Variants in CHCHD6 observed in about 807,000 individuals in gnomAD.
The protein encoded by CHCHD6 is MICOS complex subunit MIC25.
In CHCHD6, 28 loss-of-function variants were observed where a neutral mutation model predicts 32.3. That is an observed-to-expected ratio of 0.87 (90% CI 0.64 to 1.19). CHCHD6 has a LOEUF of 1.19. Among genes scored for constraint, CHCHD6 ranks in the 50% most tolerant of loss-of-function variants. CHCHD6 has a pLI of 0.00. For missense variants in CHCHD6, 333 were observed against 307.0 expected, an observed-to-expected ratio of 1.08 and a Z score of -0.63; for synonymous variants, 122 against 117.5, an observed-to-expected ratio of 1.04 and a Z score of -0.25.
chr3:126,952,901 G>A, intron 6 of CHCHD6: 1 of 911,936 alleles, frequency 1.1e-6, no homozygotes, highest in Non-Finnish European at 1.3e-6. Flanking sequence ...GACCTATGCG[G>A]CCTGCTTGCC....
intron 4 of CHCHD6, among the ~76,000 whole-genome samples, chr3:126,785,455 T>C (rs1938150915): frequency 6.6e-6 from 1 of 152,216 alleles, no homozygotes; most frequent in Non-Finnish European, 1.5e-5. Context: ...ACAGTCACTC[T>C]TGCTCCCATA....
At chr3:126,798,128 G>A (rs1443449864) in intron 4 of CHCHD6, among the ~76,000 whole-genome samples, 4 of 152,188 alleles carry the variant, frequency 2.6e-5, no homozygotes, top group Non-Finnish European at 4.4e-5. Context: ...AGCAAGTGGT[G>A]TGCTGGAGGT....
chr3:126,940,585 C>CA lies in CHCHD6; in HGVS notation c.567-16823dup, dbSNP rs965621144. On this transcript the variant is annotated intron_variant, in intron 6 of 7. Coordinates refer to ENST00000290913, the MANE Select transcript of CHCHD6 (RefSeq NM_032343.3). ...TTTCTGGGTCAAAGGATACACACACCAAAAAAAACATATGCATACAGGTTT... is the reference window on the plus strand; with the variant it reads ...TTTCTGGGTCAAAGGATACACACACCAAAAAAAAACATATGCATACAGGTTT... 1.2e-4 allele frequency among the ~76,000 whole-genome samples: 18 copies of CA among 151,636 alleles called. No homozygotes were observed. The South Asian group carries it at 2.5e-3, about 21-fold the overall frequency.
rs2078816429 is a variant in CHCHD6, at chr3:126,958,351, T to TG, written c.702+801dup. The stretch of plus-strand genomic sequence containing the variant: ...TTTGGGCTCCCCAAGGAGTGCGGCC[T>TG]GTTTGTGAAAATGTATGGGAGAAAC... On this transcript the variant is annotated intron_variant, in intron 7 of 7. Coordinates refer to ENST00000290913, the MANE Select transcript of CHCHD6 (RefSeq NM_032343.3). 3.3e-5 allele frequency among the ~76,000 whole-genome samples: 5 copies of TG among 152,296 alleles called. No homozygotes were observed. The South Asian group carries it at 1.0e-3, about 32-fold the overall frequency.
At chr3:126,865,521 A>G (rs1942261608) in intron 5 of CHCHD6, 1 of 969,050 alleles carries the variant, frequency 1.0e-6, no homozygotes, top group Non-Finnish European at 1.2e-6. Flanking sequence ...CATCTCCACC[A>G]TCCTCCATAA....
chr3:126,873,354 T>A (rs1162741505), intron 5 of CHCHD6, among the ~76,000 whole-genome samples: 5 of 152,196 alleles, frequency 3.3e-5, no homozygotes, highest in Non-Finnish European at 7.3e-5. Flanking sequence ...AGCCTTGCTT[T>A]ATTTGTTCAT....
intron 6 of CHCHD6, among the ~76,000 whole-genome samples, chr3:126,943,745 G>A (rs927931033): frequency 2.6e-5 from 4 of 152,072 alleles, no homozygotes; most frequent in East Asian, 1.9e-4. Context: ...GGTTTACCAC[G>A]GTGTTCTGTG....
At chr3:126,798,178 G>A (rs942184980) in intron 4 of CHCHD6, among the ~76,000 whole-genome samples, 13 of 152,146 alleles carry the variant, frequency 8.5e-5, no homozygotes, top group Admixed American at 4.6e-4. Context: ...CAAGGCACAC[G>A]GGCCACTCGG....
chr3:126,812,376 T>G (rs1212873646), intron 4 of CHCHD6, among the ~76,000 whole-genome samples: 1 of 151,734 alleles, frequency 6.6e-6, no homozygotes. Flanking sequence ...CAAGAACATC[T>G]TTTTCTGGCT....
chr3:126,865,648 C>A (rs1942266123), intron 5 of CHCHD6: 2 of 985,136 alleles, frequency 2.0e-6, no homozygotes, highest in Admixed American at 6.2e-5. Context: ...TCTCCCACCG[C>A]TACTACTATT....
chr3:126,947,126 G>A (rs577979668), intron 6 of CHCHD6, among the ~76,000 whole-genome samples: 4 of 152,360 alleles, frequency 2.6e-5, no homozygotes, highest in East Asian at 1.9e-4. Context: ...TGGAGTGCCC[G>A]CCGTCATGGG....
chr3:126,795,124 C>T (rs1048200344), intron 4 of CHCHD6, among the ~76,000 whole-genome samples: 1 of 152,068 alleles, frequency 6.6e-6, no homozygotes, highest in African/African-American at 2.4e-5. Context: ...GCATGTCTGG[C>T]CTTGTTGCTG....
intron 4 of CHCHD6, among the ~76,000 whole-genome samples, chr3:126,770,480 T>G (rs997607385): frequency 6.6e-6 from 1 of 152,232 alleles, no homozygotes; most frequent in Non-Finnish European, 1.5e-5. Flanking sequence ...CATAGATAGC[T>G]CTTATTTTCA....
intron 5 of CHCHD6, among the ~76,000 whole-genome samples, chr3:126,855,675 G>T (rs1576500039): frequency 2.0e-5 from 3 of 152,112 alleles, no homozygotes; most frequent in Admixed American, 2.0e-4. Flanking sequence ...CTGGGCTGGG[G>T]CCATGCAATC....
intron 3 of CHCHD6, 56 bp from the exon 4 acceptor site, chr3:126,733,022 A>G (rs1935879459): frequency 1.9e-6 from 3 of 1,595,358 alleles, no homozygotes; most frequent in East Asian, 2.2e-5. Flanking sequence ...TGTCTTGGCT[A>G]TGGGCTGCCC....
chr3:126,930,214 C>T (rs1230222457), intron 6 of CHCHD6, among the ~76,000 whole-genome samples: 1 of 152,248 alleles, frequency 6.6e-6, no homozygotes, highest in African/African-American at 2.4e-5. Context: ...ATCACCTCTT[C>T]CTTTTCCATG....
At chr3:126,878,474 G>A (rs946114453) in intron 5 of CHCHD6, among the ~76,000 whole-genome samples, 1 of 152,208 alleles carries the variant, frequency 6.6e-6, no homozygotes, top group Non-Finnish European at 1.5e-5. Flanking sequence ...GGGCTCCCAC[G>A]AGCCACACTT....
intron 4 of CHCHD6, among the ~76,000 whole-genome samples, chr3:126,795,285 C>T (rs577150114): frequency 6.6e-6 from 1 of 152,310 alleles, no homozygotes; most frequent in African/African-American, 2.4e-5. Flanking sequence ...GTTTTTACCT[C>T]AGCTTTCTCT....
intron 4 of CHCHD6, among the ~76,000 whole-genome samples, chr3:126,816,047 G>T (rs2107533875): frequency 6.6e-6 from 1 of 152,188 alleles, no homozygotes; most frequent in African/African-American, 2.4e-5. Flanking sequence ...TCTCTGTTCT[G>T]ATTGGCTCTT....
Sources: allele counts gnomAD v4.1 joint callset (sites outside exome capture counted in the v4.1 genomes callset), GRCh38; gene constraint gnomAD v4.1.1; transcripts MANE v1.5; gene names NCBI Gene and HGNC (gene_info 2026-07-23, HGNC 2026-07-21).